VKORC1L1: variants seen among roughly 807,000 people sequenced by gnomAD.
The protein encoded by VKORC1L1 is vitamin K epoxide reductase complex subunit 1-like protein 1.
Under a neutral mutation model 18.9 loss-of-function variants are expected in VKORC1L1, and 2 were observed. That is an observed-to-expected ratio of 0.11 (90% CI 0.04 to 0.33). The LOEUF (loss-of-function observed/expected upper bound fraction) is 0.33. Ranked by LOEUF, VKORC1L1 falls within the 10% of genes least tolerant of loss-of-function variation. The probability of loss-of-function intolerance (pLI) is 1.00; values close to 1 mark genes in which losing one functional copy is unlikely to be tolerated. For synonymous variants in VKORC1L1, 96 were observed against 100.0 expected, an observed-to-expected ratio of 0.96 and a Z score of 0.24; for missense variants, 123 against 224.1, an observed-to-expected ratio of 0.55 and a Z score of 2.88.
At chr7:65,938,118 G>T (rs979964681) in intron 1 of VKORC1L1, among the ~76,000 whole-genome samples, 6 of 152,110 alleles carry the variant, frequency 3.9e-5, no homozygotes, top group African/African-American at 1.2e-4. Context: ...TGAGGCAGGA[G>T]AATTGCTTGA....
At chr7:65,903,506 G>A (rs1210199722) in intron 1 of VKORC1L1, among the ~76,000 whole-genome samples, 1 of 152,036 alleles carries the variant, frequency 6.6e-6, no homozygotes, top group Non-Finnish European at 1.5e-5. Context: ...AAGACTACTG[G>A]GGCTGGGTGC....
chr7:65,885,239 G>T (rs1157332406), intron 1 of VKORC1L1, among the ~76,000 whole-genome samples: 2 of 151,678 alleles, frequency 1.3e-5, no homozygotes, highest in Non-Finnish European at 2.9e-5. Context: ...TCCCTTTCTG[G>T]GTTGTTTATC....
At chr7:65,894,682 C>T (rs1449800622) in intron 1 of VKORC1L1, among the ~76,000 whole-genome samples, 8 of 152,054 alleles carry the variant, frequency 5.3e-5, no homozygotes, top group East Asian at 1.9e-4. Flanking sequence ...GAGCCGAGAT[C>T]GCACCACTGC....
chr7:65,905,329 G>A (rs941047937), intron 1 of VKORC1L1, among the ~76,000 whole-genome samples: 1 of 150,332 alleles, frequency 6.7e-6, no homozygotes, highest in African/African-American at 2.4e-5. Context: ...TATTTTTTTT[G>A]AGATGGAGTC....
At position 65,926,304 on chromosome 7, in the gene VKORC1L1, C is replaced by T. The variant is rs188067749; in HGVS notation, c.195-22367C>T. ...CAGGGTAGCTGGGACTACAGGCACC[C>T]GCCACCACGCCCAGCTAATTTTTGT... On this transcript the variant is annotated intron_variant, in intron 1 of 2. Coordinates refer to ENST00000360768, the MANE Select transcript of VKORC1L1 (RefSeq NM_173517.6). 9.2e-3 allele frequency among the ~76,000 whole-genome samples: 1,399 copies of T among 152,116 alleles called. 24 individuals carry two copies. Among genetic ancestry groups the T allele is most frequent in the African/African-American group, 0.03 (1,262 of 41,498 alleles).
intron 1 of VKORC1L1, among the ~76,000 whole-genome samples, chr7:65,902,171 CAGG>C (rs1404786230): frequency 6.6e-6 from 1 of 152,012 alleles, no homozygotes; most frequent in African/African-American, 2.4e-5. Flanking sequence ...GTGATGTAAT[CAGG>C]AGAACAATCA....
At chr7:65,913,644 T>TA (rs1405627678) in intron 1 of VKORC1L1, among the ~76,000 whole-genome samples, 1 of 146,830 alleles carries the variant, frequency 6.8e-6, no homozygotes, top group Non-Finnish European at 1.5e-5. Context: ...GAGAATTGCT[T>TA]AAACCTGGGA....
At chr7:65,895,480 A>AAAATAT (rs1562986621) in intron 1 of VKORC1L1, among the ~76,000 whole-genome samples, 1 of 42,772 alleles carries the variant, frequency 2.3e-5, no homozygotes, top group Non-Finnish European at 3.9e-5. Flanking sequence ...AAAAAAAAAA[A>AAAATAT]ATATATATAT....
upstream of VKORC1L1, among the ~76,000 whole-genome samples, chr7:65,869,770 C>A (rs1213263728): frequency 6.7e-6 from 1 of 150,120 alleles, no homozygotes; most frequent in Admixed American, 6.7e-5. Context: ...TCTGCCTTGG[C>A]CTCCTGAATA....
upstream of VKORC1L1, among the ~76,000 whole-genome samples, chr7:65,871,912 G>C (rs1469629175): frequency 1.3e-5 from 2 of 152,122 alleles, no homozygotes; most frequent in African/African-American, 2.4e-5. Flanking sequence ...GCTAAATTTG[G>C]GGTGATTTTT....
intron 2 of VKORC1L1, 85 bp downstream of exon 2, chr7:65,948,865 G>C (rs1209256685): frequency 6.6e-7 from 1 of 1,503,800 alleles, no homozygotes; most frequent in African/African-American, 1.4e-5. Flanking sequence ...TGATGTTAAA[G>C]CATGTGTTAT....
chr7:65,902,058 C>T (rs1789327225), intron 1 of VKORC1L1, among the ~76,000 whole-genome samples: 1 of 152,078 alleles, frequency 6.6e-6, no homozygotes, highest in Admixed American at 6.6e-5. Context: ...GAACAAAGTC[C>T]AGCCCTATTT....
intron 1 of VKORC1L1, among the ~76,000 whole-genome samples, chr7:65,926,251 G>A (rs943166374): frequency 1.3e-5 from 2 of 151,958 alleles, no homozygotes; most frequent in Non-Finnish European, 2.9e-5. Context: ...CGCCTCCTGG[G>A]TTCAGGCGAT....
intron 1 of VKORC1L1, among the ~76,000 whole-genome samples, chr7:65,903,760 C>T (rs779510144): frequency 3.6e-5 from 4 of 111,356 alleles, no homozygotes; most frequent in Admixed American, 1.1e-4. Flanking sequence ...GGTGATAGAG[C>T]GAGACCGTGT....
intron 1 of VKORC1L1, among the ~76,000 whole-genome samples, chr7:65,934,957 G>A (rs1372208473): frequency 6.6e-6 from 1 of 151,644 alleles, no homozygotes; most frequent in Non-Finnish European, 1.5e-5. Context: ...AGGAGGCTGA[G>A]GCAGGAGAAT....
rs1280906575 is a variant in VKORC1L1, at chr7:65,954,402, C to A, written c.*102C>A. ...TATTATTATTATTATTCACAACAGA[C>A]ACTTTCCCTAAGAATCTCAAACTGA... is the stretch of plus-strand genomic sequence containing the variant. On this transcript the variant is annotated 3_prime_UTR_variant, in exon 3 of 3. Transcript: ENST00000360768. The A allele has an allele frequency of 8.4e-6, 12 of 1,424,326 alleles. No homozygotes were observed. Among genetic ancestry groups the A allele is most frequent in the Non-Finnish European group, 1.1e-5 (12 of 1,088,504 alleles). 88.2% of individuals were successfully genotyped at this position (1,424,326 alleles called of 1,614,324 possible).
At chr7:65,888,381 T>C (rs1310350136) in intron 1 of VKORC1L1, among the ~76,000 whole-genome samples, 1 of 152,190 alleles carries the variant, frequency 6.6e-6, no homozygotes, top group Admixed American at 6.6e-5. Flanking sequence ...AAATGTTGTT[T>C]TTTTGGAATC....
chr7:65,883,808 A>G (rs1583823400), intron 1 of VKORC1L1, among the ~76,000 whole-genome samples: 1 of 129,760 alleles, frequency 7.7e-6, no homozygotes, highest in Non-Finnish European at 1.7e-5. Context: ...TAATCTGTTT[A>G]TGTTATAGAT....
chr7:65,895,527 A>C (rs1298678964), intron 1 of VKORC1L1, among the ~76,000 whole-genome samples: 1 of 141,070 alleles, frequency 7.1e-6, no homozygotes. Context: ...ACACACACAC[A>C]CACACACACA....
Sources: allele counts gnomAD v4.1 joint callset (sites outside exome capture counted in the v4.1 genomes callset), GRCh38; gene constraint gnomAD v4.1.1; transcripts MANE v1.5; gene names NCBI Gene and HGNC (gene_info 2026-07-23, HGNC 2026-07-21).